AJAP1: variants seen among roughly 807,000 people sequenced by gnomAD.
AJAP1 encodes the protein adherens junction-associated protein 1.
In AJAP1, 5 loss-of-function variants were observed where a neutral mutation model predicts 35.0. The ratio of observed to expected loss-of-function variants is 0.14; its 90% CI spans 0.07 to 0.30. AJAP1 has a LOEUF of 0.30. AJAP1 is among the 10% of genes least tolerant of loss of function. The pLI is 1.00. For synonymous variants in AJAP1, 284 were observed against 249.3 expected (o/e 1.14, Z -1.31); for missense variants, 586 against 571.0 (o/e 1.03, Z -0.27).
In AJAP1 at chr1:4,712,266, T is replaced by TTCGTCC. The variant is rs773146883; in HGVS notation, c.411_416dup (p.Ser138_Ser139dup). On this transcript the variant is annotated inframe_insertion, in exon 2 of 6. Transcript: ENST00000378191. Reference sequence around the variant, plus strand: ...CCAAATCCAGCCCTTCCCTCGCCTCTTCGTCCTCGTCCTCGTCCTCCGCGG... The same window carrying TTCGTCC: ...CCAAATCCAGCCCTTCCCTCGCCTCTTCGTCCTCGTCCTCGTCCTCGTCCTCCGCGG... The TTCGTCC allele has an allele frequency of 7.0e-5, 106 of 1,522,532 alleles. No homozygotes were observed. Among genetic ancestry groups the TTCGTCC allele is most frequent in the Non-Finnish European group, 8.7e-5 (99 of 1,139,644 alleles). The allele number at this position is 1,522,532 out of a possible 1,614,324, so 94.3% of individuals were successfully genotyped here.
At chr1:4,746,267 C>T (rs1641186206) in intron 2 of AJAP1, among the ~76,000 whole-genome samples, 1 of 152,174 alleles carries the variant, frequency 6.6e-6, no homozygotes, top group Non-Finnish European at 1.5e-5. Flanking sequence ...AAATATCCCT[C>T]TCCTTTCCTT....
Position 4,772,271 on chromosome 1 carries a change from C to A in AJAP1, c.918-9C>A. ...CCCGTCCCCCTACCCCAAACTCTTTCTCTTCCAGCTGTGCCCAAAGCGGGA... is the reference window on the plus strand; with the variant it reads ...CCCGTCCCCCTACCCCAAACTCTTTATCTTCCAGCTGTGCCCAAAGCGGGA... On this transcript the variant is annotated splice_polypyrimidine_tract_variant and intron_variant, in intron 3 of 5. Transcript: ENST00000378191. 6.2e-7 allele frequency: 1 copy of A among 1,613,866 alleles called. No homozygotes were observed. The highest frequency in any genetic ancestry group is 1.3e-5 in the African/African-American group (1 of 75,038).
intron 2 of AJAP1, among the ~76,000 whole-genome samples, chr1:4,728,209 G>A (rs1338989882): frequency 6.6e-6 from 1 of 152,330 alleles, no homozygotes; most frequent in East Asian, 1.9e-4. Context: ...AGGGAAATGA[G>A]GGTCGTGGGC....
intron 5 of AJAP1, among the ~76,000 whole-genome samples, chr1:4,774,992 C>T (rs914076487): frequency 2.0e-5 from 3 of 151,796 alleles, no homozygotes; most frequent in South Asian, 2.1e-4. Flanking sequence ...GTCTTTACAT[C>T]GGGGGAGGGC....
At chr1:4,700,296 A>T (rs1639956824) in intron 1 of AJAP1, among the ~76,000 whole-genome samples, 1 of 151,826 alleles carries the variant, frequency 6.6e-6, no homozygotes, top group East Asian at 1.9e-4. Context: ...CCCTGGGGAC[A>T]CTCCTCAGCT....
chr1:4,791,006 T>G lies in AJAP1; in HGVS notation c.*8521T>G, dbSNP rs1320873935. 1 of 152,204 alleles carries G rather than the reference T, an allele frequency of 6.6e-6. No individual in the cohort carries two copies. The highest frequency in any genetic ancestry group is 1.5e-5 in the Non-Finnish European group (1 of 68,038). 9.4% of individuals were successfully genotyped at this position (152,204 alleles called of 1,614,324 possible). A position where few individuals can be genotyped will look rare whatever the true frequency, so the allele number is the denominator to read the frequency against. ...CAATTTGGATCATTTCCTCTCTTTCTTTCCTGGAGAAACAGGATGGCAGGT... is the reference window on the plus strand; with the variant it reads ...CAATTTGGATCATTTCCTCTCTTTCGTTCCTGGAGAAACAGGATGGCAGGT... On this transcript the variant is annotated 3_prime_UTR_variant, in exon 6 of 6. Coordinates refer to ENST00000378191, the MANE Select transcript of AJAP1 (RefSeq NM_018836.4).
rs553254685 is a variant in AJAP1 at position 4,773,406 on chromosome 1, G to A, written c.1163+881G>A. On this transcript the variant is annotated intron_variant, in intron 4 of 5. Transcript: ENST00000378191. ...GGGGCCCTGGAGAGGGAGGACTGCC[G>A]GGGCTGCCACATCCATAGTTAATGT... is the stretch of plus-strand genomic sequence containing the variant. Among the ~76,000 whole-genome samples, 11 of 152,280 alleles carry A rather than the reference G, an allele frequency of 7.2e-5. No homozygotes were observed. In the South Asian group the frequency reaches 1.0e-3, roughly 14 times the overall value.
Position 4,720,652 on chromosome 1 carries a change from G to A in AJAP1, c.829+7953G>A, listed in dbSNP as rs144482154. 6.6e-6 allele frequency among the ~76,000 whole-genome samples: 1 copy of A among 152,354 alleles called. No individual in the cohort carries two copies. Among genetic ancestry groups the A allele is most frequent in the East Asian group, 1.9e-4 (1 of 5,186 alleles). On this transcript the variant is annotated intron_variant, in intron 2 of 5. Transcript: ENST00000378191. The surrounding 1 kb of genome is among the most constrained non-coding windows in gnomAD (Gnocchi z 4.4). ...TGTGGGAAACTGAGCGCCATAGTGA[G>A]CATGCAGCCCCTAGAGTTGAGTCAG... is the stretch of plus-strand genomic sequence containing the variant.
chr1:4,713,893 G>A (rs113906061), intron 2 of AJAP1, among the ~76,000 whole-genome samples: 2,903 of 152,330 alleles, frequency 0.019, 81 homozygotes, highest in African/African-American at 0.065. Context: ...ATCAAGGGGA[G>A]GGAAGAGAAC....
At chr1:4,688,260 T>G (rs917962596) in intron 1 of AJAP1, among the ~76,000 whole-genome samples, 3 of 152,026 alleles carry the variant, frequency 2.0e-5, no homozygotes, top group Admixed American at 2.0e-4. Flanking sequence ...AGTGGGGACA[T>G]GTACTCACTG....
rs1252979547 is a variant in AJAP1, at chr1:4,693,803, G to A, written c.30-18097G>A. ...AAGAGAGCACATGGAGGGGAGGAAG[G>A]GGCCAAACGCGTCCTTTTATCAGGA... On this transcript the variant is annotated intron_variant, in intron 1 of 5. Coordinates refer to ENST00000378191, the MANE Select transcript of AJAP1 (RefSeq NM_018836.4). The surrounding 1 kb of genome is among the most constrained non-coding windows in gnomAD (Gnocchi z 4.4). 1.3e-5 allele frequency among the ~76,000 whole-genome samples: 2 copies of A among 152,170 alleles called. No homozygotes were observed. Among genetic ancestry groups the A allele is most frequent in the Non-Finnish European group, 2.9e-5 (2 of 68,032 alleles).
chr1:4,714,013 C>G lies in AJAP1; in HGVS notation c.829+1314C>G, dbSNP rs568628574. ...CTCCTCATCTTGGGCAGGCAGGCAC[C>G]GGGCAGTCCTTGGACAGGTTTTCAT... On this transcript the variant is annotated intron_variant, in intron 2 of 5. Transcript: ENST00000378191. 2.0e-3 allele frequency among the ~76,000 whole-genome samples: 304 copies of G among 152,308 alleles called. 1 individual carries two copies. The highest frequency in any genetic ancestry group is 3.4e-3 in the Non-Finnish European group (228 of 68,012).
chr1:4,718,722 C>T (rs954029602), intron 2 of AJAP1, among the ~76,000 whole-genome samples: 2 of 152,082 alleles, frequency 1.3e-5, no homozygotes, highest in African/African-American at 2.4e-5. Flanking sequence ...ACCTCATGAT[C>T]CACCTGCCTC....
In AJAP1 at chr1:4,785,369, C is replaced by T. The variant is rs184555457; in HGVS notation, c.*2884C>T. ...CCGTCAAGGTAAATCCACACAAAGG[C>T]TGCTATTTCTGGATGATTGAGGCAG... On this transcript the variant is annotated 3_prime_UTR_variant, in exon 6 of 6. Transcript: ENST00000378191. The T allele has an allele frequency of 6.6e-6, 1 of 152,336 alleles. No individual in the cohort carries two copies. Among genetic ancestry groups the T allele is most frequent in the East Asian group, 1.9e-4 (1 of 5,180 alleles). The allele number at this position is 152,336 out of a possible 1,614,324, so 9.4% of individuals were successfully genotyped here.
chr1:4,772,762 C>T (rs1641865240), intron 4 of AJAP1, among the ~76,000 whole-genome samples: 1 of 152,216 alleles, frequency 6.6e-6, no homozygotes, highest in Non-Finnish European at 1.5e-5. Flanking sequence ...TTCCAGACCC[C>T]TGGACGTGGG....
intron 2 of AJAP1, among the ~76,000 whole-genome samples, chr1:4,737,123 A>G (rs1170105072): frequency 1.3e-5 from 2 of 152,164 alleles, no homozygotes; most frequent in East Asian, 3.9e-4. Context: ...GCAAAGTGGG[A>G]TGCTGTGTGA....
At chr1:4,718,677 T>C (rs780691818) in intron 2 of AJAP1, among the ~76,000 whole-genome samples, 29 of 152,080 alleles carry the variant, frequency 1.9e-4, no homozygotes, top group Non-Finnish European at 3.8e-4. Context: ...GAGACAGGGT[T>C]TCACTATGTT....
At chr1:4,664,016 C>T (rs1232678342) in intron 1 of AJAP1, among the ~76,000 whole-genome samples, 2 of 152,158 alleles carry the variant, frequency 1.3e-5, no homozygotes, top group Non-Finnish European at 1.5e-5. Flanking sequence ...ATGACACTTA[C>T]TATGTAGCAG....
chr1:4,767,683 C>G (rs1641717850), intron 2 of AJAP1, among the ~76,000 whole-genome samples: 1 of 152,164 alleles, frequency 6.6e-6, no homozygotes, highest in African/African-American at 2.4e-5. Context: ...TCACCATCAT[C>G]ATCACCATCA....
Sources: allele counts gnomAD v4.1 joint callset (sites outside exome capture counted in the v4.1 genomes callset), GRCh38; gene constraint gnomAD v4.1.1; non-coding constraint Gnocchi (gnomAD v3.1); transcripts MANE v1.5; gene names NCBI Gene and HGNC (gene_info 2026-07-23, HGNC 2026-07-21).